Variants in PDE1C observed in about 807,000 individuals in gnomAD.
The protein encoded by PDE1C is dual specificity calcium/calmodulin-dependent 3',5'-cyclic nucleotide phosphodiesterase 1C.
PDE1C carries 62 observed loss-of-function variants against 93.1 expected under a neutral mutation model. That is an observed-to-expected ratio of 0.67 (90% CI 0.54 to 0.82). The LOEUF is 0.82. Among genes scored for constraint, PDE1C ranks in the 40% least tolerant of loss-of-function variants. PDE1C has a pLI of 0.00. For missense variants in PDE1C, 742 were observed against 884.6 expected (o/e 0.84, Z 2.04); for synonymous variants, 325 against 310.1 (o/e 1.05, Z -0.50).
chr7:31,700,147 G>A, the PDE1C span, among the ~76,000 whole-genome samples: 1 of 152,206 alleles, frequency 6.6e-6, no homozygotes, highest in Non-Finnish European at 1.5e-5. Context: ...AAGATAGGCT[G>A]AAAATTAGGT....
the PDE1C span, among the ~76,000 whole-genome samples, chr7:31,709,070 G>A: frequency 6.6e-6 from 1 of 152,310 alleles, no homozygotes; most frequent in Non-Finnish European, 1.5e-5. Context: ...TGTTTACAAA[G>A]GGATCTTTAC....
At chr7:31,854,974 G>GGA (rs1793814300) in intron 7 of PDE1C, among the ~76,000 whole-genome samples, 2 of 148,854 alleles carry the variant, frequency 1.3e-5, no homozygotes, top group African/African-American at 4.9e-5. Flanking sequence ...GGCTGAGGCA[G>GGA]GAGAATCACT....
chr7:32,330,970 C>A (rs372968451), intron 1 of PDE1C, among the ~76,000 whole-genome samples: 10 of 152,258 alleles, frequency 6.6e-5, no homozygotes, highest in Admixed American at 3.3e-4. Flanking sequence ...CCTCTGTCTC[C>A]TTGGGGTTGG....
chr7:32,017,935 C>T (rs956971278), intron 2 of PDE1C, among the ~76,000 whole-genome samples: 2 of 151,698 alleles, frequency 1.3e-5, no homozygotes, highest in African/African-American at 4.8e-5. Flanking sequence ...GAAAAATTAG[C>T]TGGGTATGGT....
Position 32,321,460 on chromosome 7 carries a change from C to T in PDE1C, c.310+106362G>A, listed in dbSNP as rs191026639. On this transcript the variant is annotated intron_variant, in intron 1 of 1. Coordinates refer to the PDE1C transcript ENST00000672256. Reference sequence around the variant, plus strand: ...TTCTCCAGCATGCATAAAATAGATGCCCCTTACTTTTGGGTGGCTGTGGGA... The same window carrying T: ...TTCTCCAGCATGCATAAAATAGATGTCCCTTACTTTTGGGTGGCTGTGGGA... Among the ~76,000 whole-genome samples, 375 of 152,234 alleles carry T rather than the reference C, an allele frequency of 2.5e-3. 2 individuals carry two copies. The highest frequency in any genetic ancestry group is 8.5e-3 in the African/African-American group (353 of 41,536).
chr7:31,844,252 T>C (rs546579982), intron 9 of PDE1C, among the ~76,000 whole-genome samples: 197 of 151,732 alleles, frequency 1.3e-3, no homozygotes, highest in African/African-American at 4.6e-3. Context: ...TAAAAATTAA[T>C]AAAATATAAA....
At chr7:31,727,770 G>A in the PDE1C span, among the ~76,000 whole-genome samples, 9 of 152,260 alleles carry the variant, frequency 5.9e-5, no homozygotes, top group African/African-American at 9.6e-5. Context: ...AGCTGGGCAC[G>A]GTGGCTCATG....
At chr7:32,313,312 T>G (rs1393829146) in intron 1 of PDE1C, among the ~76,000 whole-genome samples, 2 of 149,390 alleles carry the variant, frequency 1.3e-5, no homozygotes, top group South Asian at 4.3e-4. Flanking sequence ...GGTGGGACTG[T>G]AAACTAGTTC....
intron 1 of PDE1C, among the ~76,000 whole-genome samples, chr7:32,250,489 T>C (rs1809293087): frequency 6.6e-6 from 1 of 152,214 alleles, no homozygotes; most frequent in Admixed American, 6.5e-5. Context: ...CAGCCTATTC[T>C]GATCCAGGTG....
intron 2 of PDE1C, among the ~76,000 whole-genome samples, chr7:31,965,121 G>A (rs966844812): frequency 3.9e-5 from 6 of 152,178 alleles, no homozygotes; most frequent in East Asian, 1.9e-4. Context: ...TGACTTTGAC[G>A]AGTTGAGAGA....
At chr7:32,056,728 A>C (rs1479015505) in intron 1 of PDE1C, among the ~76,000 whole-genome samples, 9 of 152,212 alleles carry the variant, frequency 5.9e-5, no homozygotes, top group Non-Finnish European at 1.3e-4. Context: ...TAATAATGGC[A>C]TTATAATTCA....
the PDE1C span, among the ~76,000 whole-genome samples, chr7:31,717,915 T>G: frequency 6.6e-6 from 1 of 152,176 alleles, no homozygotes; most frequent in Non-Finnish European, 1.5e-5. Flanking sequence ...CTGGCTGGTA[T>G]CTACCGTGGA....
At chr7:31,646,081 G>A in the PDE1C span, among the ~76,000 whole-genome samples, 12 of 152,162 alleles carry the variant, frequency 7.9e-5, no homozygotes, top group Admixed American at 2.0e-4. Flanking sequence ...TGCACATCCC[G>A]AAAAAAGATT....
Position 31,753,541 on chromosome 7 carries a change from G to A in PDE1C, c.1973C>T (p.Pro658Leu). Residue 658 changes from proline (P) to leucine (L), a missense_variant, in exon 18 of 18, where the codon CCT becomes CTT. Physicochemically the swap from Pro to Leu is moderately conservative, Grantham distance 98. This residue lies in a region of PDE1C where 454 missense variants were observed against 459.4 expected (regional missense o/e 0.99). Transcript: ENST00000396191. ...CRLTLPVIKPPLRHFKRPAYA... is the reference protein window; with the variant it reads ...CRLTLPVIKPLLRHFKRPAYA... ...AGCAGGGCGTTTAAAATGACGCAAA[G>A]GAGGCTTGATGACTGGCGGCCATGG... The A allele has an allele frequency of 2.5e-6, 4 of 1,610,004 alleles. No individual in the cohort carries two copies. The highest frequency in any genetic ancestry group is 3.4e-6 in the Non-Finnish European group (4 of 1,178,590).
At chr7:31,972,964 T>A (rs898698278) in intron 2 of PDE1C, among the ~76,000 whole-genome samples, 1 of 151,960 alleles carries the variant, frequency 6.6e-6, no homozygotes, top group Admixed American at 6.6e-5. Flanking sequence ...AGGAACTGAG[T>A]GACAACCCCA....
At chr7:31,997,149 G>A (rs934726269) in intron 2 of PDE1C, among the ~76,000 whole-genome samples, 1 of 152,180 alleles carries the variant, frequency 6.6e-6, no homozygotes, top group Non-Finnish European at 1.5e-5. Context: ...TAGTACAGAA[G>A]TTTTGGATAT....
the PDE1C span, among the ~76,000 whole-genome samples, chr7:31,730,341 C>A: frequency 2.0e-5 from 3 of 152,182 alleles, no homozygotes; most frequent in Middle Eastern, 3.2e-3. Flanking sequence ...TCAGTTTCTG[C>A]TCTCTTCCCT....
chr7:32,191,228 A>G (rs531986323), intron 2 of PDE1C, among the ~76,000 whole-genome samples: 1 of 152,346 alleles, frequency 6.6e-6, no homozygotes, highest in East Asian at 1.9e-4. Context: ...AGATTCCCTG[A>G]ACTGTTTATG....
chr7:31,989,796 T>C (rs17160751), intron 2 of PDE1C, among the ~76,000 whole-genome samples: 10,944 of 152,286 alleles, frequency 0.072, 613 homozygotes, highest in East Asian at 0.32. Flanking sequence ...AGGCACTTTA[T>C]CTTGCCTGTG....
Sources: gnomAD v4.1 joint callset for allele counts (sites outside exome capture counted in the v4.1 genomes callset) on GRCh38, gnomAD v4.1.1 for gene constraint, gnomAD v4.1.1 regional missense constraint, MANE v1.5 for transcripts, NCBI Gene and HGNC (gene_info 2026-07-23, HGNC 2026-07-21) for gene names.